The following MAGI2 variants were observed in gnomAD, a reference collection of about 807,000 sequenced individuals.
MAGI2 encodes the protein membrane associated guanylate kinase, WW and PDZ domain containing 2, also known as membrane-associated guanylate kinase, WW and PDZ domain-containing protein 2.
MAGI2 carries 35 observed loss-of-function variants against 133.3 expected under a neutral mutation model. That is an observed-to-expected ratio of 0.26 (90% CI 0.20 to 0.35). MAGI2 has a LOEUF of 0.35. MAGI2 is among the 10% of genes least tolerant of loss of function. The pLI is 1.00. For synonymous variants in MAGI2, 729 were observed against 710.6 expected (o/e 1.03, Z -0.41); for missense variants, 1,636 against 1,863.4 (o/e 0.88, Z 2.25).
chr7:78,604,953 T>C (rs891657266), intron 3 of MAGI2, among the ~76,000 whole-genome samples: 14 of 152,240 alleles, frequency 9.2e-5, no homozygotes, highest in Admixed American at 7.2e-4. Flanking sequence ...ATATTTTATG[T>C]ATCCATACTT....
intron 7 of MAGI2, among the ~76,000 whole-genome samples, chr7:78,348,777 GACA>G (rs371389494): frequency 1.9e-4 from 29 of 152,190 alleles, no homozygotes; most frequent in African/African-American, 6.7e-4. Context: ...AAGATTTGAG[GACA>G]ACAACAACAA....
chr7:78,730,178 A>G (rs1821232113), intron 2 of MAGI2, among the ~76,000 whole-genome samples: 2 of 152,234 alleles, frequency 1.3e-5, no homozygotes, highest in Admixed American at 1.3e-4. Flanking sequence ...TCCTATTCAT[A>G]AAGTAGTCTG....
chr7:79,213,312 A>C (rs918673046), intron 1 of MAGI2, among the ~76,000 whole-genome samples: 8 of 147,250 alleles, frequency 5.4e-5, no homozygotes, highest in Non-Finnish European at 1.0e-4. Context: ...GTATTTACAC[A>C]CACGTACACA....
At chr7:78,070,531 TG>T (rs1327640243) in intron 21 of MAGI2, among the ~76,000 whole-genome samples, 24 of 124,686 alleles carry the variant, frequency 1.9e-4, no homozygotes, top group African/African-American at 5.9e-4. Context: ...TATGTATATA[TG>T]TGTACATATG....
At chr7:78,119,471 G>GA (rs2150491794) in intron 20 of MAGI2, among the ~76,000 whole-genome samples, 1 of 139,942 alleles carries the variant, frequency 7.1e-6, no homozygotes, top group South Asian at 2.3e-4. Context: ...TGAGGCAGGA[G>GA]AATTGCTTGA....
At chr7:78,532,729 C>G (rs1184225079) in intron 3 of MAGI2, among the ~76,000 whole-genome samples, 3 of 152,138 alleles carry the variant, frequency 2.0e-5, no homozygotes, top group Non-Finnish European at 4.4e-5. Context: ...ACGCATAAGT[C>G]AGAAAAACAA....
intron 2 of MAGI2, among the ~76,000 whole-genome samples, chr7:78,946,085 A>T (rs1472827566): frequency 2.6e-5 from 4 of 152,176 alleles, no homozygotes; most frequent in African/African-American, 4.8e-5. Context: ...TGGTATAATC[A>T]TATCATCTGA....
At chr7:79,438,899 A>G (rs1316418961) in intron 1 of MAGI2, among the ~76,000 whole-genome samples, 1 of 152,118 alleles carries the variant, frequency 6.6e-6, no homozygotes, top group Non-Finnish European at 1.5e-5. Flanking sequence ...GCCTAAACAC[A>G]TTCACTGGCT....
chr7:78,378,457 C>T (rs1052240217), intron 6 of MAGI2, among the ~76,000 whole-genome samples: 1 of 151,840 alleles, frequency 6.6e-6, no homozygotes, highest in Non-Finnish European at 1.5e-5. Flanking sequence ...ACCAGTAAGA[C>T]ATTAGACTTT....
chr7:78,415,181 A>AGATTAAGTT (rs1798188672), intron 6 of MAGI2, among the ~76,000 whole-genome samples: 2 of 152,236 alleles, frequency 1.3e-5, no homozygotes, highest in South Asian at 4.1e-4. Context: ...AACAGGAATA[A>AGATTAAGTT]GATTAAGTTA....
At chr7:78,482,550 A>T (rs1792504421) in intron 6 of MAGI2, among the ~76,000 whole-genome samples, 1 of 151,930 alleles carries the variant, frequency 6.6e-6, no homozygotes, top group African/African-American at 2.4e-5. Flanking sequence ...TCCATGCCAT[A>T]GCCTACTGGC....
chr7:79,377,123 A>G (rs965023691), intron 1 of MAGI2, among the ~76,000 whole-genome samples: 1 of 151,874 alleles, frequency 6.6e-6, no homozygotes, highest in Non-Finnish European at 1.5e-5. Context: ...ACACTTCTTC[A>G]TAACTAACGA....
chr7:79,207,377 A>G lies in MAGI2; in HGVS notation c.302-200171T>C, dbSNP rs577840774. 9.9e-5 allele frequency among the ~76,000 whole-genome samples: 15 copies of G among 152,126 alleles called. 2 individuals carry two copies. In the South Asian group the frequency reaches 3.1e-3, roughly 31 times the overall value. On this transcript the variant is annotated intron_variant, in intron 1 of 21. Transcript: ENST00000354212. Reference sequence around the variant, plus strand: ...ATGAATGAATTCAGTAATGTTGCAGAACACAATATTAATATTTAAAAATCA... The same window carrying G: ...ATGAATGAATTCAGTAATGTTGCAGGACACAATATTAATATTTAAAAATCA...
intron 1 of MAGI2, among the ~76,000 whole-genome samples, chr7:79,178,529 T>C (rs1251922968): frequency 6.6e-6 from 1 of 151,720 alleles, no homozygotes; most frequent in African/African-American, 2.4e-5. Context: ...CTGACCAATA[T>C]GGTGAAACCC....
intron 7 of MAGI2, among the ~76,000 whole-genome samples, chr7:78,363,514 A>AATAATAATAATAATG (rs1793063979): frequency 3.0e-5 from 1 of 33,622 alleles, no homozygotes; most frequent in South Asian, 5.9e-4. Context: ...TAATAATGAT[A>AATAATAATAATAATG]ATAATAATAA....
intron 6 of MAGI2, among the ~76,000 whole-genome samples, chr7:78,392,232 A>T (rs1450925110): frequency 6.6e-6 from 1 of 152,154 alleles, no homozygotes. Flanking sequence ...ATATTGTATG[A>T]TTTCACAATA....
intron 6 of MAGI2, among the ~76,000 whole-genome samples, chr7:78,455,206 T>G (rs1185795654): frequency 6.6e-6 from 1 of 152,100 alleles, no homozygotes; most frequent in East Asian, 1.9e-4. Context: ...GCACTTTCTG[T>G]TCAAGTTTTC....
chr7:78,670,684 A>G (rs147383837), intron 2 of MAGI2, among the ~76,000 whole-genome samples: 14 of 152,322 alleles, frequency 9.2e-5, no homozygotes, highest in Admixed American at 7.8e-4. Flanking sequence ...CTACAAGGCT[A>G]GAGTAACCAA....
intron 9 of MAGI2, among the ~76,000 whole-genome samples, chr7:78,298,810 G>GTTTT (rs71085520): frequency 7.2e-4 from 57 of 79,616 alleles, no homozygotes; most frequent in Admixed American, 8.1e-4. Flanking sequence ...TGGCCTAAAC[G>GTTTT]TTTTTTTTTT....
Sources: allele counts gnomAD v4.1 joint callset (sites outside exome capture counted in the v4.1 genomes callset), GRCh38; gene constraint gnomAD v4.1.1; transcripts MANE v1.5; gene names NCBI Gene and HGNC (gene_info 2026-07-23, HGNC 2026-07-21).